The following DAB2IP variants were observed in gnomAD, a reference collection of about 807,000 sequenced individuals.
DAB2IP encodes DAB2 interacting protein.
Under a neutral mutation model 107.2 loss-of-function variants are expected in DAB2IP, and 28 were observed. That is an observed-to-expected ratio of 0.26 (90% CI 0.19 to 0.36). The LOEUF is 0.36. Ranked by LOEUF, DAB2IP falls within the 10% of genes least tolerant of loss-of-function variation. The probability of loss-of-function intolerance (pLI) is 1.00; values close to 1 mark genes in which losing one functional copy is unlikely to be tolerated. For synonymous variants in DAB2IP, 755 were observed against 706.4 expected (o/e 1.07, Z -1.09); for missense variants, 1,400 against 1,644.7 (o/e 0.85, Z 2.57).
chr9:121,641,970 C>CGT (rs1832329476), intron 1 of DAB2IP, among the ~76,000 whole-genome samples: 1 of 104,476 alleles, frequency 9.6e-6, no homozygotes, highest in Admixed American at 1.1e-4. Flanking sequence ...TTCTCTCTCT[C>CGT]TCTTTCTTTC....
chr9:121,614,348 T>TC (rs1831198227), intron 1 of DAB2IP, among the ~76,000 whole-genome samples: 1 of 146,768 alleles, frequency 6.8e-6, no homozygotes, highest in East Asian at 2.0e-4. Flanking sequence ...TTTTTTTTTT[T>TC]TTTTTTTTTT....
intron 1 of DAB2IP, among the ~76,000 whole-genome samples, chr9:121,589,848 C>T (rs1402235667): frequency 6.6e-6 from 1 of 151,922 alleles, no homozygotes; most frequent in African/African-American, 2.4e-5. Flanking sequence ...TCCCAGCTCC[C>T]GATGTAGGGT....
chr9:121,605,714 C>T (rs2118962920), intron 1 of DAB2IP, among the ~76,000 whole-genome samples: 1 of 152,268 alleles, frequency 6.6e-6, no homozygotes, highest in East Asian at 1.9e-4. Flanking sequence ...CTATATTGCG[C>T]AGGCTGGTCT....
intron 8 of DAB2IP, among the ~76,000 whole-genome samples, chr9:121,766,201 G>C (rs1425598022): frequency 6.6e-6 from 1 of 152,214 alleles, no homozygotes; most frequent in East Asian, 1.9e-4. Flanking sequence ...TTAGGACGGA[G>C]AGCCAGCTCC....
intron 3 of DAB2IP, among the ~76,000 whole-genome samples, chr9:121,717,094 G>A (rs1297309659): frequency 6.6e-6 from 1 of 152,178 alleles, no homozygotes; most frequent in Non-Finnish European, 1.5e-5. Flanking sequence ...CAGCCCCGGG[G>A]GAATCTTGCC....
At chr9:121,769,124 C>A (rs913549820) in intron 10 of DAB2IP, among the ~76,000 whole-genome samples, 4 of 152,172 alleles carry the variant, frequency 2.6e-5, no homozygotes, top group African/African-American at 9.7e-5. Context: ...CTTCACTGAC[C>A]CCCAGCCTCA....
chr9:121,592,376 A>AG (rs1407803327), intron 1 of DAB2IP, among the ~76,000 whole-genome samples: 4 of 152,154 alleles, frequency 2.6e-5, no homozygotes, highest in Non-Finnish European at 4.4e-5. Context: ...AAAAAAAAAA[A>AG]AGAAAAAAGA....
At chr9:121,781,880 C>T (rs558188780) in intron 15 of DAB2IP, among the ~76,000 whole-genome samples, 1 of 152,274 alleles carries the variant, frequency 6.6e-6, no homozygotes, top group African/African-American at 2.4e-5. Context: ...CAGTGGGGCT[C>T]TCGTTCACAA....
At chr9:121,739,389 A>G (rs1343663870) in intron 3 of DAB2IP, among the ~76,000 whole-genome samples, 1 of 152,232 alleles carries the variant, frequency 6.6e-6, no homozygotes, top group Admixed American at 6.5e-5. Flanking sequence ...GTAGCAGTTC[A>G]GATTTATTCA....
At position 121,759,871 on chromosome 9, in the gene DAB2IP, C is replaced by A; in HGVS notation, c.616-14C>A. ...ACCCCCAGCTGACCACCCTGGACCC[C>A]CGTGCACATACAGGACAACAGCCGG... On this transcript the variant is annotated splice_polypyrimidine_tract_variant and intron_variant, in intron 5 of 15. Coordinates refer to ENST00000408936, the Ensembl canonical transcript of DAB2IP. 1 of 1,605,314 alleles carries A rather than the reference C, an allele frequency of 6.2e-7. No homozygotes were observed. The highest frequency in any genetic ancestry group is 2.2e-5 in the East Asian group (1 of 44,578).
chr9:121,758,552 C>T lies in DAB2IP; in HGVS notation c.517-346C>T, dbSNP rs540269248. On this transcript the variant is annotated intron_variant, in intron 4 of 15. Transcript: ENST00000408936. ...GTTAAGCATTGCCCTCTGACCTGGG[C>T]AAGGTCTTCGTTCATTCCCTCTTCC... Among the ~76,000 whole-genome samples the T allele has an allele frequency of 3.3e-5, 5 of 152,236 alleles. No individual in the cohort carries two copies. In the East Asian group the frequency reaches 9.7e-4, roughly 29 times the overall value.
At chr9:121,616,523 A>G (rs1278024773) in intron 1 of DAB2IP, among the ~76,000 whole-genome samples, 1 of 152,160 alleles carries the variant, frequency 6.6e-6, no homozygotes, top group Non-Finnish European at 1.5e-5. Context: ...TGCTGGTGGT[A>G]GTTGGTGACA....
Position 121,702,409 on chromosome 9 carries a change from G to T in DAB2IP, c.362+2951G>T, listed in dbSNP as rs927024073. ...GGCACAGCTGGGCTCTGGGGGCTGG[G>T]GGCTGTAGGACAGGCTTGAGCCTTC... On this transcript the variant is annotated intron_variant, in intron 3 of 15. Coordinates refer to ENST00000408936, the Ensembl canonical transcript of DAB2IP. The surrounding 1 kb of genome is among the most constrained non-coding windows in gnomAD (Gnocchi z 4.5). 3.3e-5 allele frequency among the ~76,000 whole-genome samples: 5 copies of T among 152,152 alleles called. No homozygotes were observed. Among genetic ancestry groups the T allele is most frequent in the Non-Finnish European group, 5.9e-5 (4 of 68,024 alleles).
rs544734764 is a variant in DAB2IP, at chr9:121,634,950, G to A, written c.41-43728G>A. 6.6e-6 allele frequency among the ~76,000 whole-genome samples: 1 copy of A among 152,194 alleles called. No individual in the cohort carries two copies. Among genetic ancestry groups the A allele is most frequent in the Non-Finnish European group, 1.5e-5 (1 of 68,030 alleles). ...AGCCAGAACAGCCAACACCAGGCAG[G>A]TTTGATGCCTGATACCATGGGGCCC... On this transcript the variant is annotated intron_variant, in intron 1 of 16. Transcript: ENST00000259371. This position sits in a 1 kb window ranked among gnomAD's most constrained non-coding sequence, Gnocchi z 4.7.
At position 121,773,200 on chromosome 9, in the gene DAB2IP, G is replaced by A. The variant is rs765138434; in HGVS notation, c.2672G>A (p.Arg891Gln). The A allele has an allele frequency of 3.2e-6, 5 of 1,577,010 alleles. No homozygotes were observed. The highest frequency in any genetic ancestry group is 1.2e-5 in the South Asian group (1 of 86,858). Reference sequence around the variant, plus strand: ...GCTCGGCGGCCCGGTGAGCTGGCACGGCGACAGATGTCACTGACTGAAAAA... The same window carrying A: ...GCTCGGCGGCCCGGTGAGCTGGCACAGCGACAGATGTCACTGACTGAAAAA... The change falls in exon 12 of 16, where the codon CGG (arginine) becomes CAG (glutamine). Residue 891 changes from arginine (R) to glutamine (Q), a missense_variant. Arg to Gln is a conservative substitution (Grantham distance 43). Transcript: ENST00000408936.
chr9:121,759,627 A>C (rs941086837), intron 5 of DAB2IP, among the ~76,000 whole-genome samples: 5 of 152,152 alleles, frequency 3.3e-5, no homozygotes, highest in African/African-American at 7.2e-5. Context: ...GTTTTACCTT[A>C]GTGCCGTTTC....
chr9:121,644,920 T>G (rs1832487239), intron 1 of DAB2IP, among the ~76,000 whole-genome samples: 1 of 152,020 alleles, frequency 6.6e-6, no homozygotes, highest in Non-Finnish European at 1.5e-5. Flanking sequence ...TCTGCAGGAG[T>G]TGAGCAAGGC....
chr9:121,627,289 G>A (rs1320821341), intron 1 of DAB2IP, among the ~76,000 whole-genome samples: 2 of 151,930 alleles, frequency 1.3e-5, no homozygotes, highest in Non-Finnish European at 2.9e-5. Context: ...GCTGCAGAAC[G>A]GTCACACAGG....
intron 3 of DAB2IP, among the ~76,000 whole-genome samples, chr9:121,754,724 G>A (rs1253019011): frequency 6.6e-6 from 1 of 152,192 alleles, no homozygotes; most frequent in East Asian, 1.9e-4. Flanking sequence ...TGGCTGTTTT[G>A]GGGTCTGGCC....
Sources: allele counts gnomAD v4.1 joint callset (sites outside exome capture counted in the v4.1 genomes callset), GRCh38; gene constraint gnomAD v4.1.1; non-coding constraint Gnocchi (gnomAD v3.1); transcripts MANE v1.5; gene names NCBI Gene and HGNC (gene_info 2026-07-23, HGNC 2026-07-21).